The following ESF1 variants were observed in gnomAD, a reference collection of about 807,000 sequenced individuals.
ESF1 encodes the protein ESF1 nucleolar pre-rRNA processing protein.
A neutral mutation model predicts 92.0 loss-of-function variants in ESF1; 58 were observed. That is an observed-to-expected ratio of 0.63 (90% CI 0.51 to 0.78). The LOEUF is 0.78. ESF1 is among the 30% of genes least tolerant of loss of function. ESF1 has a pLI of 0.00. For synonymous variants in ESF1, 321 were observed against 313.7 expected (o/e 1.02, Z -0.24); for missense variants, 922 against 989.1 (o/e 0.93, Z 0.91).
intron 9 of ESF1, among the ~76,000 whole-genome samples, chr20:13,741,825 A>G (rs1055157717): frequency 8.5e-5 from 13 of 152,242 alleles, no homozygotes; most frequent in Non-Finnish European, 8.8e-5. Context: ...AAGTGGGAGA[A>G]GAGAGGAATT....
chr20:13,758,489 G>C (rs961047302), intron 9 of ESF1, among the ~76,000 whole-genome samples: 8 of 152,128 alleles, frequency 5.3e-5, no homozygotes, highest in African/African-American at 1.9e-4. Flanking sequence ...GTCCATCCTA[G>C]CAAATTTACT....
chr20:13,729,649 A>G (rs947891703), intron 10 of ESF1, among the ~76,000 whole-genome samples: 1 of 148,740 alleles, frequency 6.7e-6, no homozygotes, highest in Non-Finnish European at 1.5e-5. Flanking sequence ...TTGGTTAAAG[A>G]AAAGAATTTT....
rs1371313884 is a variant in ESF1, at chr20:13,775,241, C to T, written c.1065G>A (p.Met355Ile). ...EITRRLAVCN[M>I]DWDRLKAKDL... ...CTTTTGCCTTTAATCTATCCCAGTC[C>T]ATGTTACAAACTGCTAATCGACGTG... The change falls in exon 4 of 14, where the codon ATG becomes ATA. Residue 355 changes from methionine to isoleucine, a missense_variant. Physicochemically the swap from Met to Ile is conservative, Grantham distance 10. Transcript: ENST00000617257. 1 of 1,610,272 alleles carries T rather than the reference C, an allele frequency of 6.2e-7. No homozygotes were observed. The highest frequency in any genetic ancestry group is 1.1e-5 in the South Asian group (1 of 90,214).
intron 8 of ESF1, among the ~76,000 whole-genome samples, chr20:13,763,868 A>T (rs1035792660): frequency 1.3e-5 from 2 of 152,230 alleles, no homozygotes; most frequent in African/African-American, 4.8e-5. Flanking sequence ...TTGTATTAAT[A>T]TGAGATGTCT....
At position 13,772,615 on chromosome 20, in the gene ESF1, T is replaced by C. The variant is rs550610436; in HGVS notation, c.1150A>G (p.Ile384Val). 11 of 1,599,458 alleles carry C rather than the reference T, an allele frequency of 6.9e-6. No individual in the cohort carries two copies. The highest frequency in any genetic ancestry group is 1.7e-4 in the Middle Eastern group (1 of 6,036). Residue 384 changes from isoleucine (I) to valine (V), a missense_variant and splice_region_variant, in exon 5 of 14, where the codon ATA becomes GTA. Transcript: ENST00000617257. ...TCCTTTCCAAATTCTGAAGGATATATCTAAACAGAAAAAAATAGGATCAAT... is the reference window on the plus strand; with the variant it reads ...TCCTTTCCAAATTCTGAAGGATATACCTAAACAGAAAAAAATAGGATCAAT... ...PKGGVIFSVK[I>V]YPSEFGKERM...
intron 10 of ESF1, among the ~76,000 whole-genome samples, chr20:13,731,480 C>G (rs1455986262): frequency 3.4e-5 from 5 of 146,862 alleles, no homozygotes; most frequent in Non-Finnish European, 7.4e-5. Flanking sequence ...TGCAGTGAGC[C>G]GAGATCAGGC....
chr20:13,776,142 C>T lies in ESF1; in HGVS notation c.766G>A (p.Glu256Lys), dbSNP rs1217397751. ...CTACCAACACTTGTAATTTCATTTT[C>T]AGATTCCTCATCACTTCCTATTTCA... is the stretch of plus-strand genomic sequence containing the variant. Reference protein sequence around the residue: ...VSEIGSDEESENEITSVGRAS... With the variant: ...VSEIGSDEESKNEITSVGRAS... Residue 256 changes from glutamate to lysine, a missense_variant, in exon 3 of 14, where the codon GAA becomes AAA. Transcript: ENST00000617257. 6.2e-7 allele frequency: 1 copy of T among 1,613,916 alleles called. No homozygotes were observed.
At position 13,783,178 on chromosome 20, in the gene ESF1, C is replaced by CA. The variant is rs754275872; in HGVS notation, c.-39dup. On this transcript the variant is annotated 5_prime_UTR_variant, in exon 2 of 14. Coordinates refer to ENST00000617257, the MANE Select transcript of ESF1 (RefSeq NM_001276380.2). Reference sequence around the variant, plus strand: ...ATCTCGACCAAATGCTTGAAGAAAACAAATACTGAAAAATAAAACAAATGT... The same window carrying CA: ...ATCTCGACCAAATGCTTGAAGAAAACAAAATACTGAAAAATAAAACAAATGT... 1.3e-6 allele frequency: 2 copies of CA among 1,557,144 alleles called. No homozygotes were observed. Among genetic ancestry groups the CA allele is most frequent in the African/African-American group, 2.8e-5 (2 of 72,472 alleles).
chr20:13,724,209 C>T (rs1210399002), intron 11 of ESF1, among the ~76,000 whole-genome samples: 2 of 152,146 alleles, frequency 1.3e-5, no homozygotes, highest in Admixed American at 6.5e-5. Flanking sequence ...GCAGGAGAAT[C>T]GCTTGAACCC....
At chr20:13,760,495 G>A (rs868400811) in intron 8 of ESF1, among the ~76,000 whole-genome samples, 1 of 150,208 alleles carries the variant, frequency 6.7e-6, no homozygotes, top group Non-Finnish European at 1.5e-5. Flanking sequence ...CCCCATCTGA[G>A]AAGTGAGGAG....
intron 9 of ESF1, among the ~76,000 whole-genome samples, chr20:13,750,423 T>C (rs1978577429): frequency 6.6e-6 from 1 of 152,094 alleles, no homozygotes; most frequent in Non-Finnish European, 1.5e-5. Context: ...GAGAATTGCT[T>C]GAACGCGGGA....
At chr20:13,775,001 A>G (rs1469111999) in intron 4 of ESF1, among the ~76,000 whole-genome samples, 156 bp downstream of exon 4, 2 of 151,788 alleles carry the variant, frequency 1.3e-5, no homozygotes, top group Non-Finnish European at 2.9e-5. Context: ...CCTTTCTAAC[A>G]TTTATACCTG....
At chr20:13,780,207 T>A (rs1346003683) in intron 2 of ESF1, among the ~76,000 whole-genome samples, 1 of 152,172 alleles carries the variant, frequency 6.6e-6, no homozygotes, top group Admixed American at 6.5e-5. Context: ...CTTACATAAG[T>A]CACTTTAATC....
intron 1 of ESF1, 82 bp downstream of exon 1, chr20:13,784,798 T>C (rs1980590682): frequency 3.8e-6 from 2 of 526,892 alleles, no homozygotes; most frequent in South Asian, 4.4e-5. Context: ...TGTTAGAGAC[T>C]AGTTTTTTCC....
At chr20:13,765,633 C>A (rs149244735) in intron 8 of ESF1, among the ~76,000 whole-genome samples, 3 of 152,174 alleles carry the variant, frequency 2.0e-5, no homozygotes, top group Non-Finnish European at 4.4e-5. Flanking sequence ...AGCAGCCACC[C>A]AGAGGGATAT....
In ESF1 at chr20:13,776,058, CCTCTT is replaced by C. The variant is rs767761561; in HGVS notation, c.845_849del (p.Glu282GlyfsTer3). 7 of 1,613,138 alleles carry C rather than the reference CCTCTT, an allele frequency of 4.3e-6. No individual in the cohort carries two copies. Among genetic ancestry groups the C allele is most frequent in the African/African-American group, 1.3e-5 (1 of 74,734 alleles). Reference sequence around the variant, plus strand: ...TCCTCACTATCCTCATCTTCATCCTCCTCTTCATCTTCATCCTCCTCTTCATCATC... The same window carrying C: ...TCCTCACTATCCTCATCTTCATCCTCCATCTTCATCCTCCTCTTCATCATC... On this transcript the variant is annotated frameshift_variant, in exon 3 of 14. Coordinates refer to ENST00000617257, the MANE Select transcript of ESF1 (RefSeq NM_001276380.2). LOFTEE classifies it high-confidence loss of function.
chr20:13,747,593 GAA>G (rs139489858), intron 9 of ESF1, among the ~76,000 whole-genome samples: 6 of 128,030 alleles, frequency 4.7e-5, no homozygotes, highest in Admixed American at 8.0e-5. Flanking sequence ...ACTCAGTCTC[GAA>G]AAAAAAAAAA....
At chr20:13,755,748 T>A (rs1455904328) in intron 9 of ESF1, among the ~76,000 whole-genome samples, 2 of 152,182 alleles carry the variant, frequency 1.3e-5, no homozygotes, top group Non-Finnish European at 2.9e-5. Context: ...CTCATTCCAG[T>A]TGTTATGCCC....
intron 12 of ESF1, 96 bp downstream of exon 12, chr20:13,718,810 TAA>T: frequency 5.2e-6 from 4 of 769,920 alleles, no homozygotes; most frequent in Non-Finnish European, 7.5e-6. Flanking sequence ...ATGCCACTGC[TAA>T]AATAAGTTGT....
Sources: gnomAD v4.1 joint callset for allele counts (sites outside exome capture counted in the v4.1 genomes callset) on GRCh38, gnomAD v4.1.1 for gene constraint, MANE v1.5 for transcripts, NCBI Gene and HGNC (gene_info 2026-07-23, HGNC 2026-07-21) for gene names.